The following AGAP1 variants were observed in gnomAD, a reference collection of about 807,000 sequenced individuals.
AGAP1 encodes arf-GAP with GTPase, ANK repeat and PH domain-containing protein 1.
Under a neutral mutation model 105.3 loss-of-function variants are expected in AGAP1, and 29 were observed. That is an observed-to-expected ratio of 0.28 (90% CI 0.21 to 0.38). The LOEUF (loss-of-function observed/expected upper bound fraction) is 0.38, where lower values mean the gene tolerates loss of function less well. AGAP1 is among the 10% of genes least tolerant of loss of function. The pLI is 1.00. For synonymous variants in AGAP1, 509 were observed against 485.9 expected (o/e 1.05, Z -0.63); for missense variants, 998 against 1,165.1 (o/e 0.86, Z 2.09).
rs1439446261 is a variant in AGAP1 at position 235,720,745 on chromosome 2, C to T, written c.310+3101C>T. ...TATCCTTTATGTCATAATCCTGACC[C>T]GTGGCTGGGATATGTAGACTGCTGG... On this transcript the variant is annotated intron_variant, in intron 3 of 17. Coordinates refer to ENST00000304032, the MANE Select transcript of AGAP1 (RefSeq NM_001037131.3). The surrounding 1 kb of genome is among the most constrained non-coding windows in gnomAD (Gnocchi z 5.0). 5.1e-6 allele frequency: 5 copies of T among 980,584 alleles called. No homozygotes were observed. Among genetic ancestry groups the T allele is most frequent in the Non-Finnish European group, 6.1e-6 (5 of 825,662 alleles). The allele number at this position is 980,584 out of a possible 1,614,324, so 60.7% of individuals were successfully genotyped here.
Position 235,633,316 on chromosome 2 carries a change from G to A in AGAP1, c.164-75863G>A, listed in dbSNP as rs574069329. On this transcript the variant is annotated intron_variant, in intron 1 of 17. Coordinates refer to ENST00000304032, the MANE Select transcript of AGAP1 (RefSeq NM_001037131.3). The surrounding 1 kb of genome is among the most constrained non-coding windows in gnomAD (Gnocchi z 4.8). Reference sequence around the variant, plus strand: ...TGGACAAATAGGGCATGAGCGGGCCGGGCGTGGTGGCTCATGCCTGTAATC... The same window carrying A: ...TGGACAAATAGGGCATGAGCGGGCCAGGCGTGGTGGCTCATGCCTGTAATC... Among the ~76,000 whole-genome samples the A allele has an allele frequency of 9.9e-5, 15 of 152,208 alleles. No homozygotes were observed. The highest frequency in any genetic ancestry group is 9.7e-4 in the East Asian group (5 of 5,152).
rs536918751 is a variant in AGAP1, at chr2:236,105,597, C to T, written c.2115-14595C>T. 1.3e-5 allele frequency among the ~76,000 whole-genome samples: 2 copies of T among 148,972 alleles called. No individual in the cohort carries two copies. Among genetic ancestry groups the T allele is most frequent in the Non-Finnish European group, 3.0e-5 (2 of 67,432 alleles). Reference sequence around the variant, plus strand: ...TTGAGACACAGTCTCGCTCTGTCACCCAGGCTGCAGTGCAGTGGCGTGAAC... The same window carrying T: ...TTGAGACACAGTCTCGCTCTGTCACTCAGGCTGCAGTGCAGTGGCGTGAAC... On this transcript the variant is annotated intron_variant, in intron 16 of 17. Coordinates refer to ENST00000304032, the MANE Select transcript of AGAP1 (RefSeq NM_001037131.3). This position sits in a 1 kb window ranked among gnomAD's most constrained non-coding sequence, Gnocchi z 4.2.
rs2125275655 is a variant in AGAP1, at chr2:235,953,474, T to G, written c.1484-14988T>G. 6.6e-6 allele frequency among the ~76,000 whole-genome samples: 1 copy of G among 152,352 alleles called. No homozygotes were observed. Among genetic ancestry groups the G allele is most frequent in the East Asian group, 1.9e-4 (1 of 5,182 alleles). On this transcript the variant is annotated intron_variant, in intron 12 of 17. Coordinates refer to ENST00000304032, the MANE Select transcript of AGAP1 (RefSeq NM_001037131.3). This position sits in a 1 kb window ranked among gnomAD's most constrained non-coding sequence, Gnocchi z 5.2. Reference sequence around the variant, plus strand: ...AATAATATTCAACACTCCTAAGCCTTAAATAGGCAATTAGAAGTATACTGC... The same window carrying G: ...AATAATATTCAACACTCCTAAGCCTGAAATAGGCAATTAGAAGTATACTGC...
Position 236,119,565 on chromosome 2 carries a change from G to A in AGAP1, c.2115-627G>A, listed in dbSNP as rs2059851880. On this transcript the variant is annotated intron_variant, in intron 16 of 17. Coordinates refer to ENST00000304032, the MANE Select transcript of AGAP1 (RefSeq NM_001037131.3). This position sits in a 1 kb window ranked among gnomAD's most constrained non-coding sequence, Gnocchi z 6.6. ...ACCCCCAGGTGTGGGGAGCGCACCG[G>A]CTGTCCCTTCCCCCCACCCCCGGCC... is the stretch of plus-strand genomic sequence containing the variant. Among the ~76,000 whole-genome samples, 1 of 151,972 alleles carries A rather than the reference G, an allele frequency of 6.6e-6. No individual in the cohort carries two copies. The highest frequency in any genetic ancestry group is 2.4e-5 in the African/African-American group (1 of 41,378).
intron 16 of AGAP1, among the ~76,000 whole-genome samples, chr2:236,057,563 A>G (rs1432942926): frequency 6.7e-6 from 1 of 150,128 alleles, no homozygotes; most frequent in African/African-American, 2.5e-5. Context: ...CCCCCCCTCA[A>G]CCCCCGTGTT....
chr2:235,956,503 C>T (rs1425343779), intron 12 of AGAP1, among the ~76,000 whole-genome samples: 1 of 151,994 alleles, frequency 6.6e-6, no homozygotes, highest in East Asian at 1.9e-4. Flanking sequence ...CCAGCTGGCC[C>T]TCTGGCATGA....
chr2:236,092,424 G>A lies in AGAP1; in HGVS notation c.2115-27768G>A, dbSNP rs1270150275. On this transcript the variant is annotated intron_variant, in intron 16 of 17. Coordinates refer to ENST00000304032, the MANE Select transcript of AGAP1 (RefSeq NM_001037131.3). This position sits in a 1 kb window ranked among gnomAD's most constrained non-coding sequence, Gnocchi z 4.7. ...TTTGTTTTGTTTGTGACAGAGTCTCGCTCTGTCACCCAGGCTGGAGTGTAG... is the reference window on the plus strand; with the variant it reads ...TTTGTTTTGTTTGTGACAGAGTCTCACTCTGTCACCCAGGCTGGAGTGTAG... Among the ~76,000 whole-genome samples the A allele has an allele frequency of 2.0e-5, 3 of 151,852 alleles. No homozygotes were observed. Among genetic ancestry groups the A allele is most frequent in the South Asian group, 2.1e-4 (1 of 4,782 alleles).
chr2:235,558,143 C>T (rs895338856), intron 1 of AGAP1, among the ~76,000 whole-genome samples: 5 of 152,114 alleles, frequency 3.3e-5, no homozygotes, highest in Non-Finnish European at 7.4e-5. Flanking sequence ...TGCCTGGCCC[C>T]GCAGGGTATG....
rs146670796 is a variant in AGAP1 at position 235,986,964 on chromosome 2, T to C, written c.1645+18341T>C. On this transcript the variant is annotated intron_variant, in intron 13 of 17. Coordinates refer to ENST00000304032, the MANE Select transcript of AGAP1 (RefSeq NM_001037131.3). ...TTGTTGTGTCTCTTCCTGGTTTTGG[T>C]ATCAGGATGATACTGGCTTCATAAA... Among the ~76,000 whole-genome samples the C allele has an allele frequency of 2.9e-3, 445 of 152,284 alleles. 1 individual carries two copies. Among genetic ancestry groups the C allele is most frequent in the Non-Finnish European group, 4.9e-3 (331 of 68,016 alleles).
intron 13 of AGAP1, among the ~76,000 whole-genome samples, chr2:236,013,311 C>T (rs2056581313): frequency 1.3e-5 from 2 of 152,304 alleles, no homozygotes; most frequent in Admixed American, 6.5e-5. Flanking sequence ...CATAACTCAT[C>T]CCAGGCGCCT....
intron 11 of AGAP1, among the ~76,000 whole-genome samples, chr2:235,929,747 C>T (rs1330148359): frequency 6.6e-6 from 1 of 152,154 alleles, no homozygotes; most frequent in African/African-American, 2.4e-5. Flanking sequence ...ATTCCCAGAG[C>T]TTCTGAATCA....
chr2:236,081,309 TAAAA>T (rs1204431493), intron 16 of AGAP1, among the ~76,000 whole-genome samples: 1 of 151,908 alleles, frequency 6.6e-6, no homozygotes, highest in Non-Finnish European at 1.5e-5. Flanking sequence ...TCTTTAAAAA[TAAAA>T]AGAGAGTAAC....
At chr2:235,985,769 C>G (rs552799583) in intron 13 of AGAP1, among the ~76,000 whole-genome samples, 6 of 152,244 alleles carry the variant, frequency 3.9e-5, no homozygotes, top group African/African-American at 1.4e-4. Context: ...TGTCAAAGAT[C>G]AGTTGGTTAT....
chr2:235,810,423 C>A (rs141954658), intron 9 of AGAP1, among the ~76,000 whole-genome samples: 309 of 152,170 alleles, frequency 2.0e-3, no homozygotes, highest in African/African-American at 7.1e-3. Context: ...CGTTTTAGAA[C>A]CCCAGCAACC....
intron 6 of AGAP1, among the ~76,000 whole-genome samples, chr2:235,796,751 C>T (rs1254083282): frequency 6.6e-6 from 1 of 152,236 alleles, no homozygotes; most frequent in Non-Finnish European, 1.5e-5. Context: ...AGTTCCTTTC[C>T]GTGGACATCT....
At chr2:236,019,491 C>T (rs1242531797) in intron 13 of AGAP1, among the ~76,000 whole-genome samples, 1 of 152,224 alleles carries the variant, frequency 6.6e-6, no homozygotes, top group African/African-American at 2.4e-5. Flanking sequence ...TTTCCAACAT[C>T]CTGTCGTGCA....
rs529607560 is a variant in AGAP1 at position 235,664,984 on chromosome 2, G to A, written c.164-44195G>A. Among the ~76,000 whole-genome samples, 1 of 152,178 alleles carries A rather than the reference G, an allele frequency of 6.6e-6. No individual in the cohort carries two copies. Among genetic ancestry groups the A allele is most frequent in the Non-Finnish European group, 1.5e-5 (1 of 68,042 alleles). ...GCCTGTAATCCCAGCACTTTAGGAGGCCAAGATGGGAGAATCATCTGAGGT... is the reference window on the plus strand; with the variant it reads ...GCCTGTAATCCCAGCACTTTAGGAGACCAAGATGGGAGAATCATCTGAGGT... On this transcript the variant is annotated intron_variant, in intron 1 of 17. Transcript: ENST00000304032. The surrounding 1 kb of genome is among the most constrained non-coding windows in gnomAD (Gnocchi z 5.7).
Position 236,080,888 on chromosome 2 carries a change from G to A in AGAP1, c.2114+31607G>A, listed in dbSNP as rs1185296972. ...ATATGACCCTCTTATAAGGACCCTT[G>A]TATATTGGGCCCACCTGGATAATCC... On this transcript the variant is annotated intron_variant, in intron 16 of 17. Transcript: ENST00000304032. The surrounding 1 kb of genome is among the most constrained non-coding windows in gnomAD (Gnocchi z 4.2). Among the ~76,000 whole-genome samples the A allele has an allele frequency of 1.3e-5, 2 of 152,082 alleles. No individual in the cohort carries two copies. The highest frequency in any genetic ancestry group is 2.4e-5 in the African/African-American group (1 of 41,418).
At position 236,130,361 on chromosome 2, in the gene AGAP1, G is replaced by C. The variant is rs750361537; in HGVS notation, c.*6239G>C. On this transcript the variant is annotated 3_prime_UTR_variant, in exon 18 of 18. Coordinates refer to ENST00000304032, the MANE Select transcript of AGAP1 (RefSeq NM_001037131.3). This position sits in a 1 kb window ranked among gnomAD's most constrained non-coding sequence, Gnocchi z 5.8. Reference sequence around the variant, plus strand: ...ATCGGACTGATCTAGAATGCCCCGTGGGGGGATTGCATGGCCTTTGCCTTG... The same window carrying C: ...ATCGGACTGATCTAGAATGCCCCGTCGGGGGATTGCATGGCCTTTGCCTTG... 3.3e-5 allele frequency: 5 copies of C among 151,914 alleles called. No homozygotes were observed. The highest frequency in any genetic ancestry group is 1.5e-5 in the Non-Finnish European group (1 of 67,976). The allele number at this position is 151,914 out of a possible 1,614,324, so 9.4% of individuals were successfully genotyped here. A position where few individuals can be genotyped will look rare whatever the true frequency, so the allele number is the denominator to read the frequency against.
Sources: allele counts gnomAD v4.1 joint callset (sites outside exome capture counted in the v4.1 genomes callset), GRCh38; gene constraint gnomAD v4.1.1; non-coding constraint Gnocchi (gnomAD v3.1); transcripts MANE v1.5; gene names NCBI Gene and HGNC (gene_info 2026-07-23, HGNC 2026-07-21).